Variants in GABPB2 observed in about 807,000 individuals in gnomAD.
The protein encoded by GABPB2 is GA binding protein transcription factor subunit beta 2, also known as GA-binding protein subunit beta-2.
In GABPB2, 23 loss-of-function variants were observed where a neutral mutation model predicts 39.1. The observed-to-expected ratio is 0.59, with a 90% CI of 0.42 to 0.83. The LOEUF (loss-of-function observed/expected upper bound fraction) is 0.83, where lower values mean the gene tolerates loss of function less well. Among genes scored for constraint, GABPB2 ranks in the 40% least tolerant of loss-of-function variants. The pLI is 0.00. For synonymous variants in GABPB2, 184 were observed against 199.3 expected (o/e 0.92, Z 0.65); for missense variants, 467 against 541.1 (o/e 0.86, Z 1.36).
Position 151,118,053 on chromosome 1 carries a change from G to A in GABPB2, c.1144G>A (p.Ala382Thr). 6.2e-7 allele frequency: 1 copy of A among 1,614,202 alleles called. No homozygotes were observed. The highest frequency in any genetic ancestry group is 1.1e-5 in the South Asian group (1 of 91,082). ...RHQLLKKEQE[A>T]EQYRLKLEAI... is the part of the protein sequence containing the mutation. ...CCAGCTCCTAAAGAAAGAGCAGGAA[G>A]CAGAACAGTACCGTCTTAAGCTGGA... The change falls in exon 9 of 9, where the codon GCA becomes ACA. Residue 382 changes from alanine (A) to threonine (T), a missense_variant. Ala to Thr is a moderately conservative substitution (Grantham distance 58). Coordinates refer to ENST00000368918, the MANE Select transcript of GABPB2 (RefSeq NM_144618.3).
At chr1:151,104,814 C>CTTTCTTTCCTTT (rs1402126253) in intron 6 of GABPB2, among the ~76,000 whole-genome samples, 4 of 36,322 alleles carry the variant, frequency 1.1e-4, no homozygotes, top group South Asian at 1.4e-3. Flanking sequence ...TTCTTTCTTT[C>CTTTCTTTCCTTT]CTTTCTTTCT....
At chr1:151,089,300 A>G (rs1183590671) in intron 2 of GABPB2, among the ~76,000 whole-genome samples, 1 of 152,218 alleles carries the variant, frequency 6.6e-6, no homozygotes, top group Non-Finnish European at 1.5e-5. Flanking sequence ...ATAGACCTGG[A>G]AAGAACAATG....
At chr1:151,114,185 A>C (rs931731922) in intron 7 of GABPB2, among the ~76,000 whole-genome samples, 2 of 151,604 alleles carry the variant, frequency 1.3e-5, no homozygotes, top group African/African-American at 4.9e-5. Context: ...TCTCTAAAAA[A>C]AAATACAAAA....
At position 151,122,698 on chromosome 1, in the gene GABPB2, G is replaced by A. The variant is rs1395721826; in HGVS notation, c.*4442G>A. ...ACTATACAGTCACCACTTTTTTGGG[G>A]GAATTCTTTAGCAGATCTTATTGTT... On this transcript the variant is annotated 3_prime_UTR_variant, in exon 9 of 9. Transcript: ENST00000368918. 6.6e-6 allele frequency: 1 copy of A among 151,754 alleles called. No homozygotes were observed. The highest frequency in any genetic ancestry group is 1.5e-5 in the Non-Finnish European group (1 of 67,970). 9.4% of individuals were successfully genotyped at this position (151,754 alleles called of 1,614,324 possible). A position where few individuals can be genotyped will look rare whatever the true frequency, so the allele number is the denominator to read the frequency against.
At chr1:151,107,248 T>C in intron 7 of GABPB2, 26 bp downstream of exon 7, 1 of 1,448,570 alleles carries the variant, frequency 6.9e-7, no homozygotes, top group South Asian at 1.5e-5. Context: ...TAGACAATTG[T>C]TTATTAAAAG....
chr1:151,098,184 A>C lies in GABPB2; in HGVS notation c.622+182A>C, dbSNP rs587654308. ...CTTTCTGGGGAAGGGAAGATCATACATAGGGATTACAAAGGAATACTTATT... is the reference window on the plus strand; with the variant it reads ...CTTTCTGGGGAAGGGAAGATCATACCTAGGGATTACAAAGGAATACTTATT... On this transcript the variant is annotated intron_variant, in intron 5 of 8. Transcript: ENST00000368918. Among the ~76,000 whole-genome samples, 4 of 152,332 alleles carry C rather than the reference A, an allele frequency of 2.6e-5. No individual in the cohort carries two copies. The South Asian group carries it at 8.3e-4, about 32-fold the overall frequency.
At chr1:151,107,280 C>A in intron 7 of GABPB2, 58 bp downstream of exon 7, 2 of 1,171,670 alleles carry the variant, frequency 1.7e-6, no homozygotes, top group Non-Finnish European at 1.1e-6. Context: ...ACTCCATACT[C>A]ACCTAAAAAT....
At chr1:151,073,240 T>A (rs908747283) in intron 1 of GABPB2, 5 of 152,160 alleles carry the variant, frequency 3.3e-5, no homozygotes, top group African/African-American at 1.2e-4. Flanking sequence ...CCGGCTGGGA[T>A]CAAATTCCTG....
intron 3 of GABPB2, among the ~76,000 whole-genome samples, chr1:151,091,837 T>C (rs1028000099): frequency 2.0e-5 from 3 of 152,108 alleles, no homozygotes; most frequent in African/African-American, 7.2e-5. Flanking sequence ...TGGAGAGCAG[T>C]GGCATGATCA....
Position 151,109,298 on chromosome 1 carries a change from T to TTATA in GABPB2, c.922+2093_922+2096dup, listed in dbSNP as rs33932552. On this transcript the variant is annotated intron_variant, in intron 7 of 8. Transcript: ENST00000368918. ...ACTTGGCTTAAATGATTGTGGGGAT[T>TTATA]TATATATATATATATATATACACAC... is the stretch of plus-strand genomic sequence containing the variant. Among the ~76,000 whole-genome samples, 213 of 139,490 alleles carry TTATA rather than the reference T, an allele frequency of 1.5e-3. 1 individual carries two copies. The highest frequency in any genetic ancestry group is 4.8e-3 in the African/African-American group (180 of 37,824). 91.5% of individuals were successfully genotyped at this position (139,490 alleles called of 152,430 possible).
intron 6 of GABPB2, among the ~76,000 whole-genome samples, chr1:151,104,247 G>C (rs587653543): frequency 9.2e-5 from 14 of 152,238 alleles, no homozygotes; most frequent in Admixed American, 5.2e-4. Flanking sequence ...AGTGGTCTGT[G>C]GGGGGAAGAC....
chr1:151,096,273 G>T (rs983927061), intron 4 of GABPB2, among the ~76,000 whole-genome samples: 3 of 151,972 alleles, frequency 2.0e-5, no homozygotes, highest in Admixed American at 6.6e-5. Context: ...AAATACAAAA[G>T]AAATTAGCCG....
Position 151,123,981 on chromosome 1 carries a change from G to A in GABPB2, c.*5725G>A. 1 of 150,180 alleles carries A rather than the reference G, an allele frequency of 6.7e-6. No homozygotes were observed. Among genetic ancestry groups the A allele is most frequent in the East Asian group, 2.0e-4 (1 of 5,098 alleles). 9.3% of individuals were successfully genotyped at this position (150,180 alleles called of 1,614,324 possible). A position where few individuals can be genotyped will look rare whatever the true frequency, so the allele number is the denominator to read the frequency against. On this transcript the variant is annotated 3_prime_UTR_variant, in exon 9 of 9. Transcript: ENST00000368918. Reference sequence around the variant, plus strand: ...GGATCACTTGAGGCCAGGCCAGCGTGGTGAAACTCAGTCTCTACTAAAAAT... The same window carrying A: ...GGATCACTTGAGGCCAGGCCAGCGTAGTGAAACTCAGTCTCTACTAAAAAT...
intron 1 of GABPB2, among the ~76,000 whole-genome samples, chr1:151,086,814 C>T (rs587639309): frequency 1.3e-5 from 2 of 151,932 alleles, no homozygotes; most frequent in South Asian, 2.1e-4. Flanking sequence ...ACTATAGGCA[C>T]GTACCACCAT....
chr1:151,079,856 A>G (rs2102999216), intron 1 of GABPB2, among the ~76,000 whole-genome samples: 1 of 151,830 alleles, frequency 6.6e-6, no homozygotes, highest in South Asian at 2.1e-4. Context: ...AGATTGCACC[A>G]TTGCACTCTA....
chr1:151,085,807 C>A (rs1350349695), intron 1 of GABPB2, among the ~76,000 whole-genome samples: 2 of 152,076 alleles, frequency 1.3e-5, no homozygotes, highest in African/African-American at 4.8e-5. Context: ...CTCAAGAAAA[C>A]CATCATGTTT....
chr1:151,113,808 G>A (rs183270454), intron 7 of GABPB2, among the ~76,000 whole-genome samples: 5 of 152,088 alleles, frequency 3.3e-5, no homozygotes, highest in Admixed American at 1.3e-4. Flanking sequence ...ATGAGCCACC[G>A]TGCCCATCCT....
intron 1 of GABPB2, among the ~76,000 whole-genome samples, chr1:151,081,780 G>A (rs1001045585): frequency 3.3e-5 from 5 of 151,726 alleles, no homozygotes; most frequent in South Asian, 4.2e-4. Context: ...GACTGCAGAC[G>A]TGCACCACCA....
chr1:151,100,789 T>C (rs1679456858), intron 5 of GABPB2, among the ~76,000 whole-genome samples: 1 of 151,356 alleles, frequency 6.6e-6, no homozygotes. Flanking sequence ...GGTTTCACCA[T>C]GTTGGCCAGG....
Sources: gnomAD v4.1 joint callset for allele counts (sites outside exome capture counted in the v4.1 genomes callset) on GRCh38, gnomAD v4.1.1 for gene constraint, MANE v1.5 for transcripts, NCBI Gene and HGNC (gene_info 2026-07-23, HGNC 2026-07-21) for gene names.